CHRM3: variants seen among roughly 807,000 people sequenced by gnomAD.
The protein encoded by CHRM3 is cholinergic receptor muscarinic 3.
A neutral mutation model predicts 41.8 loss-of-function variants in CHRM3; 11 were observed. The observed-to-expected ratio is 0.26, with a 90% confidence interval of 0.17 to 0.44. The LOEUF (loss-of-function observed/expected upper bound fraction) is 0.44, where lower values mean the gene tolerates loss of function less well. Ranked by LOEUF, CHRM3 falls within the 20% of genes least tolerant of loss-of-function variation. The pLI, the probability that CHRM3 is intolerant of heterozygous loss-of-function variation, is 1.00. For missense variants in CHRM3, 571 were observed against 745.4 expected (o/e 0.77, Z 2.72); for synonymous variants, 297 against 301.4 (o/e 0.99, Z 0.15).
At chr1:239,798,418 G>A (rs1572331507) in intron 5 of CHRM3, among the ~76,000 whole-genome samples, 1 of 152,082 alleles carries the variant, frequency 6.6e-6, no homozygotes, top group Admixed American at 6.5e-5. Flanking sequence ...TCCCATTCCA[G>A]AATATAAGCT....
chr1:239,682,180 G>A (rs1658632730), intron 5 of CHRM3, among the ~76,000 whole-genome samples: 1 of 152,176 alleles, frequency 6.6e-6, no homozygotes, highest in Non-Finnish European at 1.5e-5. Flanking sequence ...GTTTATTAAT[G>A]AGATGTCTTT....
Position 239,884,900 on chromosome 1 carries a change from C to T in CHRM3, c.-19-22533C>T, listed in dbSNP as rs140522765. Among the ~76,000 whole-genome samples the T allele has an allele frequency of 8.3e-3, 1,265 of 152,202 alleles. 4 individuals carry two copies. The highest frequency in any genetic ancestry group is 0.012 in the Non-Finnish European group (841 of 68,010). ...GTTAAGTGGCTGGTAAAAAAACAAG[C>T]ATAATATGGTTCACTCCCACCAATG... On this transcript the variant is annotated intron_variant, in intron 6 of 6. Coordinates refer to ENST00000676153, the MANE Select transcript of CHRM3 (RefSeq NM_001375978.1).
intron 6 of CHRM3, among the ~76,000 whole-genome samples, chr1:239,859,413 G>GTT (rs1331316835): frequency 2.7e-4 from 31 of 113,232 alleles, no homozygotes; most frequent in Admixed American, 3.7e-4. Context: ...TGTTGTTGTT[G>GTT]TTGTTGTTTT....
rs67460907 is a variant in CHRM3, at chr1:239,793,803, A to ATTTTTTTTTTTTTTTT, written c.-146-33439_-146-33424dup. ...TGAACTTGTCAGAAATGAAATGTGT[A>ATTTTTTTTTTTTTTTT]TTTTTTTTTTTTTTTTTTTTTTTTT... On this transcript the variant is annotated intron_variant, in intron 5 of 6. Coordinates refer to ENST00000676153, the MANE Select transcript of CHRM3 (RefSeq NM_001375978.1). 7.2e-5 allele frequency among the ~76,000 whole-genome samples: 5 copies of ATTTTTTTTTTTTTTTT among 69,494 alleles called. 1 individual carries two copies. The highest frequency in any genetic ancestry group is 2.5e-4 in the African/African-American group (4 of 16,148). 45.6% of individuals were successfully genotyped at this position (69,494 alleles called of 152,430 possible).
At chr1:239,736,028 G>T (rs1159737325) in intron 5 of CHRM3, among the ~76,000 whole-genome samples, 1 of 152,112 alleles carries the variant, frequency 6.6e-6, no homozygotes, top group African/African-American at 2.4e-5. Context: ...TAAGTCTGAA[G>T]GGTAAGGAGA....
intron 5 of CHRM3, among the ~76,000 whole-genome samples, chr1:239,806,817 G>A (rs1476735397): frequency 6.6e-6 from 1 of 152,322 alleles, no homozygotes; most frequent in East Asian, 1.9e-4. Context: ...AATGCTGGAA[G>A]AAGAGATAGA....
chr1:239,698,618 T>C (rs892365154), intron 5 of CHRM3, among the ~76,000 whole-genome samples: 1 of 152,224 alleles, frequency 6.6e-6, no homozygotes, highest in African/African-American at 2.4e-5. Flanking sequence ...AATAACATAC[T>C]TCCAATCAAG....
intron 3 of CHRM3, among the ~76,000 whole-genome samples, chr1:239,596,218 A>G (rs1041171405): frequency 6.6e-6 from 1 of 152,184 alleles, no homozygotes; most frequent in Non-Finnish European, 1.5e-5. Flanking sequence ...TCTTTACATG[A>G]AAGGCATTTA....
intron 2 of CHRM3, among the ~76,000 whole-genome samples, chr1:239,526,286 C>T (rs1392157963): frequency 2.0e-5 from 3 of 152,176 alleles, no homozygotes; most frequent in African/African-American, 7.2e-5. Flanking sequence ...AGTACCTCAT[C>T]TCCTACTTGT....
At chr1:239,601,540 C>T (rs1194830833) in intron 3 of CHRM3, among the ~76,000 whole-genome samples, 4 of 151,058 alleles carry the variant, frequency 2.6e-5, no homozygotes, top group Non-Finnish European at 4.4e-5. Context: ...AGTCTTAAGA[C>T]CCATTAGAAA....
chr1:239,554,712 G>C (rs1057375224), intron 3 of CHRM3, among the ~76,000 whole-genome samples: 4 of 148,624 alleles, frequency 2.7e-5, no homozygotes, highest in African/African-American at 4.9e-5. Context: ...ATTTTAAATT[G>C]GTTCATGTAT....
chr1:239,889,323 CT>C (rs766047661), intron 6 of CHRM3, among the ~76,000 whole-genome samples: 16 of 152,262 alleles, frequency 1.1e-4, no homozygotes, highest in Non-Finnish European at 7.4e-5. Flanking sequence ...GTAGCCCCCC[CT>C]CTAATCTTTT....
chr1:239,605,555 A>G (rs1165965480), intron 3 of CHRM3, among the ~76,000 whole-genome samples: 2 of 152,182 alleles, frequency 1.3e-5, no homozygotes, highest in Non-Finnish European at 2.9e-5. Context: ...AAGAATCATG[A>G]TCATAATATA....
chr1:239,865,715 A>T (rs1303059699), intron 6 of CHRM3, among the ~76,000 whole-genome samples: 1 of 152,238 alleles, frequency 6.6e-6, no homozygotes, highest in Non-Finnish European at 1.5e-5. Flanking sequence ...AGCATTTCAC[A>T]GGACATTTGG....
intron 6 of CHRM3, among the ~76,000 whole-genome samples, chr1:239,868,390 T>C (rs1676297930): frequency 6.6e-6 from 1 of 152,134 alleles, no homozygotes; most frequent in African/African-American, 2.4e-5. Flanking sequence ...CACACAGAGG[T>C]CCTTTTCCCG....
intron 6 of CHRM3, chr1:239,900,011 A>G (rs1025464076): frequency 1.3e-5 from 2 of 152,264 alleles, no homozygotes; most frequent in African/African-American, 4.8e-5. Context: ...TGGGCTGACA[A>G]GGATCTCTGT....
At chr1:239,852,069 T>C (rs1267288499) in intron 6 of CHRM3, among the ~76,000 whole-genome samples, 2 of 152,102 alleles carry the variant, frequency 1.3e-5, no homozygotes, top group East Asian at 1.9e-4. Flanking sequence ...CTTTAACTTA[T>C]CAGCAGAAAC....
intron 2 of CHRM3, among the ~76,000 whole-genome samples, chr1:239,513,052 G>A (rs963784536): frequency 2.0e-5 from 3 of 152,128 alleles, no homozygotes; most frequent in Admixed American, 6.5e-5. Flanking sequence ...ATTTTACATC[G>A]TGGGTCATAT....
At chr1:239,869,137 A>C (rs1001241247) in intron 6 of CHRM3, among the ~76,000 whole-genome samples, 4 of 152,090 alleles carry the variant, frequency 2.6e-5, no homozygotes, top group African/African-American at 9.7e-5. Flanking sequence ...ACAGGGACCT[A>C]GGGGAGCAGC....
Sources: allele counts gnomAD v4.1 joint callset (sites outside exome capture counted in the v4.1 genomes callset), GRCh38; gene constraint gnomAD v4.1.1; transcripts MANE v1.5; gene names NCBI Gene and HGNC (gene_info 2026-07-23, HGNC 2026-07-21).